Variants in HPSE2 observed in about 807,000 individuals in gnomAD.
HPSE2 encodes the protein heparanase 2 (inactive).
Under a neutral mutation model 60.5 loss-of-function variants are expected in HPSE2, and 38 were observed. The observed-to-expected ratio is 0.63, with a 90% CI of 0.48 to 0.82. HPSE2 has a LOEUF of 0.82. Ranked by LOEUF, HPSE2 falls within the 40% of genes least tolerant of loss-of-function variation. The pLI is 0.00. For missense variants in HPSE2, 713 were observed against 740.4 expected (o/e 0.96, Z 0.43); for synonymous variants, 295 against 293.2 (o/e 1.01, Z -0.06).
chr10:98,930,198 A>T (rs1351147485), intron 3 of HPSE2, among the ~76,000 whole-genome samples: 1 of 143,374 alleles, frequency 7.0e-6, no homozygotes, highest in Non-Finnish European at 1.5e-5. Context: ...ATGTGTTCTC[A>T]TTGTTCAGTT....
At chr10:98,694,076 T>G (rs1037504761) in intron 5 of HPSE2, 129 bp from the exon 6 acceptor site, 22 of 761,040 alleles carry the variant, frequency 2.9e-5, no homozygotes, top group Non-Finnish European at 4.7e-5. Context: ...GGATCCTCCA[T>G]AGCCACAATC....
chr10:98,514,743 G>C (rs1942539929), intron 9 of HPSE2, among the ~76,000 whole-genome samples: 1 of 116,880 alleles, frequency 8.6e-6, no homozygotes, highest in African/African-American at 3.3e-5. Context: ...TTTTTAGACA[G>C]AGTCTTGCTC....
At chr10:98,643,822 A>T (rs1946698915) in intron 6 of HPSE2, among the ~76,000 whole-genome samples, 1 of 152,226 alleles carries the variant, frequency 6.6e-6, no homozygotes, top group African/African-American at 2.4e-5. Flanking sequence ...ATTTGAGGAC[A>T]TGAATACTTG....
chr10:98,962,301 G>C (rs1281447216), intron 3 of HPSE2, among the ~76,000 whole-genome samples: 1 of 138,992 alleles, frequency 7.2e-6, no homozygotes, highest in East Asian at 2.2e-4. Flanking sequence ...TAGCTTGATG[G>C]GGATGGCATT....
chr10:99,159,781 A>G (rs1846747500), intron 2 of HPSE2, among the ~76,000 whole-genome samples: 1 of 152,228 alleles, frequency 6.6e-6, no homozygotes, highest in Non-Finnish European at 1.5e-5. Flanking sequence ...CACCAAAAGT[A>G]TAATTCAAAA....
At chr10:99,000,011 G>C (rs181318983) in intron 3 of HPSE2, among the ~76,000 whole-genome samples, 3 of 152,010 alleles carry the variant, frequency 2.0e-5, no homozygotes, top group Non-Finnish European at 4.4e-5. Flanking sequence ...AATGTGAAAT[G>C]GCAAACTAGG....
intron 3 of HPSE2, among the ~76,000 whole-genome samples, chr10:98,942,901 A>AG (rs1409152447): frequency 6.6e-6 from 1 of 152,006 alleles, no homozygotes; most frequent in Non-Finnish European, 1.5e-5. Context: ...CTATGCAGCC[A>AG]TAAAAAATGA....
chr10:98,781,540 A>G (rs1950470178), intron 3 of HPSE2, among the ~76,000 whole-genome samples: 1 of 152,246 alleles, frequency 6.6e-6, no homozygotes, highest in South Asian at 2.1e-4. Flanking sequence ...CCTAAATAGA[A>G]AAATTGGCAA....
intron 3 of HPSE2, among the ~76,000 whole-genome samples, chr10:99,102,973 G>T (rs1412543976): frequency 5.3e-5 from 8 of 152,062 alleles, no homozygotes; most frequent in Non-Finnish European, 1.0e-4. Flanking sequence ...GGTACTGATG[G>T]GACGTATCTC....
intron 3 of HPSE2, among the ~76,000 whole-genome samples, chr10:98,986,912 C>A (rs954655806): frequency 6.6e-6 from 1 of 152,120 alleles, no homozygotes; most frequent in Non-Finnish European, 1.5e-5. Flanking sequence ...ATAAATTTCT[C>A]GGCACATAAA....
upstream of HPSE2, among the ~76,000 whole-genome samples, chr10:99,239,722 G>A (rs913664545): frequency 5.9e-5 from 9 of 151,522 alleles, no homozygotes; most frequent in Middle Eastern, 3.4e-3. Flanking sequence ...GAGCCACCAC[G>A]CCCAGCCCCG....
chr10:99,177,094 T>C (rs1385494983), intron 2 of HPSE2, among the ~76,000 whole-genome samples: 1 of 151,880 alleles, frequency 6.6e-6, no homozygotes, highest in Non-Finnish European at 1.5e-5. Flanking sequence ...CACCACCAGG[T>C]TTGCCTTACG....
At chr10:98,847,823 C>T (rs1952069278) in intron 3 of HPSE2, among the ~76,000 whole-genome samples, 1 of 152,146 alleles carries the variant, frequency 6.6e-6, no homozygotes, top group Non-Finnish European at 1.5e-5. Flanking sequence ...CTAAATGGTA[C>T]TTTATTAGAA....
At chr10:98,888,264 G>C (rs1953230101) in intron 3 of HPSE2, among the ~76,000 whole-genome samples, 1 of 151,888 alleles carries the variant, frequency 6.6e-6, no homozygotes, top group Non-Finnish European at 1.5e-5. Context: ...ATAGAAATCT[G>C]ACAGTGAATT....
chr10:99,098,486 A>G (rs2135627723), intron 3 of HPSE2, among the ~76,000 whole-genome samples: 1 of 152,330 alleles, frequency 6.6e-6, no homozygotes, highest in East Asian at 1.9e-4. Context: ...CTTGAATTTT[A>G]CAGAGCTTAA....
intron 3 of HPSE2, among the ~76,000 whole-genome samples, chr10:99,131,865 A>C (rs910558274): frequency 2.0e-5 from 3 of 152,028 alleles, no homozygotes; most frequent in African/African-American, 7.3e-5. Flanking sequence ...TATTCCCAGC[A>C]CTTTGGGAGG....
At chr10:98,525,473 G>A (rs1035012698) in intron 9 of HPSE2, among the ~76,000 whole-genome samples, 2 of 152,216 alleles carry the variant, frequency 1.3e-5, no homozygotes, top group African/African-American at 4.8e-5. Flanking sequence ...AGACACTTAC[G>A]GACTACCTGC....
intron 2 of HPSE2, among the ~76,000 whole-genome samples, chr10:99,165,105 A>AAG (rs1589759701): frequency 1.3e-5 from 2 of 149,760 alleles, no homozygotes; most frequent in East Asian, 3.9e-4. Context: ...AAAAAAAAAA[A>AAG]GAATTCATTT....
chr10:98,840,596 G>C (rs947055503), intron 3 of HPSE2, among the ~76,000 whole-genome samples: 4 of 152,186 alleles, frequency 2.6e-5, no homozygotes, highest in Non-Finnish European at 5.9e-5. Flanking sequence ...AAACTGATTG[G>C]ATTGGGAAGA....
Sources: allele counts gnomAD v4.1 joint callset (sites outside exome capture counted in the v4.1 genomes callset), GRCh38; gene constraint gnomAD v4.1.1; transcripts MANE v1.5; gene names NCBI Gene and HGNC (gene_info 2026-07-23, HGNC 2026-07-21).